TTC7A: variants seen among roughly 807,000 people sequenced by gnomAD.
TTC7A encodes tetratricopeptide repeat protein 7A.
In TTC7A, 110 loss-of-function variants were observed where a neutral mutation model predicts 103.7. The observed-to-expected ratio is 1.06, with a 90% CI of 0.91 to 1.24. The LOEUF is 1.24. TTC7A is among the 50% of genes most tolerant of loss of function. The pLI is 0.00. For synonymous variants in TTC7A, 521 were observed against 467.9 expected (o/e 1.11, Z -1.47); for missense variants, 1,340 against 1,116.3 (o/e 1.20, Z -2.86).
intron 8 of TTC7A, among the ~76,000 whole-genome samples, chr2:47,005,474 G>A (rs1312303678): frequency 6.6e-6 from 1 of 152,140 alleles, no homozygotes; most frequent in Non-Finnish European, 1.5e-5. Flanking sequence ...CCAGTGTCAT[G>A]AGAGAGAAAG....
rs115411339 is a variant in TTC7A at position 47,050,179 on chromosome 2, C to T, written c.2017+133C>T. The T allele has an allele frequency of 6.5e-3, 4,767 of 734,404 alleles. 174 individuals carry two copies. In the African/African-American group the frequency reaches 0.073, roughly 11 times the overall value. The allele number at this position is 734,404 out of a possible 1,614,324, so 45.5% of individuals were successfully genotyped here. Reference sequence around the variant, plus strand: ...GCCCACCACTGGCTCCTTGCCAGCTCGGGCAACTTCTGGGGCTGATCTTGG... The same window carrying T: ...GCCCACCACTGGCTCCTTGCCAGCTTGGGCAACTTCTGGGGCTGATCTTGG... On this transcript the variant is annotated intron_variant, in intron 17 of 19. Coordinates refer to ENST00000319190, the MANE Select transcript of TTC7A (RefSeq NM_020458.4).
intron 5 of TTC7A, among the ~76,000 whole-genome samples, chr2:46,988,294 G>A (rs538623166): frequency 6.6e-6 from 1 of 152,326 alleles, no homozygotes; most frequent in African/African-American, 2.4e-5. Flanking sequence ...GAGGCTGGGG[G>A]TGAAGAGGAA....
intron 14 of TTC7A, among the ~76,000 whole-genome samples, chr2:47,027,035 C>G (rs1679995197): frequency 6.6e-6 from 1 of 152,176 alleles, no homozygotes; most frequent in Non-Finnish European, 1.5e-5. Context: ...CTGGCAGATT[C>G]TTTATCCCAG....
chr2:46,968,536 G>A (rs1379887081), intron 3 of TTC7A, among the ~76,000 whole-genome samples: 1 of 152,144 alleles, frequency 6.6e-6, no homozygotes, highest in Non-Finnish European at 1.5e-5. Context: ...CAAATACAAG[G>A]TTCCCGGCCC....
chr2:46,948,538 C>T (rs1035847199), intron 1 of TTC7A, among the ~76,000 whole-genome samples: 7 of 152,050 alleles, frequency 4.6e-5, no homozygotes, highest in South Asian at 2.1e-4. Flanking sequence ...AACCCCCCTG[C>T]GATGGTGTTC....
chr2:47,025,457 G>A (rs1271633980), intron 14 of TTC7A, among the ~76,000 whole-genome samples: 1 of 152,168 alleles, frequency 6.6e-6, no homozygotes, highest in Non-Finnish European at 1.5e-5. Flanking sequence ...CACTTCGGCG[G>A]GCTGCATTTC....
intron 5 of TTC7A, among the ~76,000 whole-genome samples, chr2:46,984,128 A>T (rs1450518603): frequency 2.0e-5 from 3 of 152,236 alleles, no homozygotes; most frequent in African/African-American, 7.2e-5. Flanking sequence ...AAATCGAGGC[A>T]CGGGGAACAA....
chr2:46,942,875 G>T (rs560196602), intron 1 of TTC7A, among the ~76,000 whole-genome samples: 2 of 152,120 alleles, frequency 1.3e-5, no homozygotes, highest in South Asian at 4.2e-4. Flanking sequence ...GGTTTTTTTG[G>T]TTGTCTTTTT....
intron 5 of TTC7A, among the ~76,000 whole-genome samples, chr2:46,990,124 C>T (rs1464971536): frequency 1.3e-5 from 2 of 152,220 alleles, no homozygotes; most frequent in East Asian, 1.9e-4. Flanking sequence ...TGCTGTTGGG[C>T]CCAGCTGCCA....
chr2:47,060,611 C>T (rs971983528), intron 18 of TTC7A, among the ~76,000 whole-genome samples, 158 bp from the exon 19 acceptor site: 1 of 152,174 alleles, frequency 6.6e-6, no homozygotes, highest in Non-Finnish European at 1.5e-5. Context: ...CCTAGTGTTC[C>T]CACTACATCC....
chr2:47,057,791 C>T (rs1683440183), intron 18 of TTC7A, among the ~76,000 whole-genome samples: 1 of 152,206 alleles, frequency 6.6e-6, no homozygotes, highest in Non-Finnish European at 1.5e-5. Context: ...CTTCAGGCTC[C>T]AGCTCCAATG....
intron 5 of TTC7A, among the ~76,000 whole-genome samples, chr2:46,990,486 T>C (rs1675515161): frequency 6.6e-6 from 1 of 152,224 alleles, no homozygotes; most frequent in African/African-American, 2.4e-5. Flanking sequence ...CAGGCACTTG[T>C]GTCCTCTCCC....
chr2:47,069,287 C>G (rs1367479030), intron 19 of TTC7A, among the ~76,000 whole-genome samples: 1 of 152,168 alleles, frequency 6.6e-6, no homozygotes, highest in East Asian at 1.9e-4. Flanking sequence ...CCCATCGGGC[C>G]CCTGGCCGCT....
intron 10 of TTC7A, 102 bp downstream of exon 10, chr2:47,006,826 C>G: frequency 1.0e-6 from 1 of 954,756 alleles, no homozygotes; most frequent in Non-Finnish European, 1.7e-6. Flanking sequence ...TGGGTATTAT[C>G]CTGCCGCTGG....
chr2:47,046,111 C>G (rs1054738871), intron 15 of TTC7A, among the ~76,000 whole-genome samples: 3 of 152,202 alleles, frequency 2.0e-5, no homozygotes, highest in Non-Finnish European at 4.4e-5. Context: ...GTGCTTCATG[C>G]TTTGGCAGCA....
intron 19 of TTC7A, among the ~76,000 whole-genome samples, chr2:47,072,962 G>T (rs955989958): frequency 1.3e-5 from 2 of 152,150 alleles, no homozygotes; most frequent in Non-Finnish European, 1.5e-5. Context: ...TTTGGTAACA[G>T]GGTTGTTTGA....
Position 47,075,181 on chromosome 2 carries a change from T to C in TTC7A, c.*1258T>C, listed in dbSNP as rs1180966437. 1 of 152,218 alleles carries C rather than the reference T, an allele frequency of 6.6e-6. No homozygotes were observed. The allele number at this position is 152,218 out of a possible 1,614,324, so 9.4% of individuals were successfully genotyped here. A position where few individuals can be genotyped will look rare whatever the true frequency, so the allele number is the denominator to read the frequency against. On this transcript the variant is annotated 3_prime_UTR_variant, in exon 20 of 20. Coordinates refer to ENST00000319190, the MANE Select transcript of TTC7A (RefSeq NM_020458.4). The stretch of plus-strand genomic sequence containing the variant: ...TCAGCACTGCATTTCCCGAGATGAT[T>C]CCCAAGACAGCTGGTGCCTCCTGGC...
chr2:46,993,617 G>A, intron 6 of TTC7A, 89 bp downstream of exon 6: 1 of 1,277,344 alleles, frequency 7.8e-7, no homozygotes, highest in South Asian at 1.2e-5. Flanking sequence ...CTGTGAAGCA[G>A]GGGTGGCAGT....
At position 47,018,332 on chromosome 2, in the gene TTC7A, C is replaced by T. The variant is rs79542106; in HGVS notation, c.1393-3530C>T. On this transcript the variant is annotated intron_variant, in intron 11 of 19. Transcript: ENST00000319190. ...GCACAGTGGCTCACACCTGTAATCC[C>T]AACGCTTTTGGAGGCCAATGCAGGT... Among the ~76,000 whole-genome samples, 120 of 150,410 alleles carry T rather than the reference C, an allele frequency of 8.0e-4. 3 individuals are homozygous for T. The East Asian group carries it at 0.022, about 27-fold the overall frequency.
Sources: allele counts gnomAD v4.1 joint callset (sites outside exome capture counted in the v4.1 genomes callset), GRCh38; gene constraint gnomAD v4.1.1; transcripts MANE v1.5; gene names NCBI Gene and HGNC (gene_info 2026-07-23, HGNC 2026-07-21).